PDE4D: variants seen among roughly 807,000 people sequenced by gnomAD.
The protein encoded by PDE4D is 3',5'-cyclic-AMP phosphodiesterase 4D.
Under a neutral mutation model 87.4 loss-of-function variants are expected in PDE4D, and 24 were observed. That is an observed-to-expected ratio of 0.27 (90% CI 0.20 to 0.39). PDE4D has a LOEUF of 0.39. Ranked by LOEUF, PDE4D falls within the 10% of genes least tolerant of loss-of-function variation. PDE4D has a pLI of 1.00. For missense variants in PDE4D, 714 were observed against 1,041.0 expected (o/e 0.69, Z 4.32); for synonymous variants, 384 against 383.2 (o/e 1.00, Z -0.02).
chr5:60,048,116 G>A (rs1200859237), intron 2 of PDE4D, among the ~76,000 whole-genome samples: 1 of 151,936 alleles, frequency 6.6e-6, no homozygotes, highest in Admixed American at 6.6e-5. Context: ...TTACCATTAT[G>A]TAATGGCCTT....
chr5:59,548,494 T>C (rs1201822269), intron 1 of PDE4D, among the ~76,000 whole-genome samples: 3 of 152,134 alleles, frequency 2.0e-5, no homozygotes, highest in South Asian at 2.1e-4. Flanking sequence ...CTCAACAGAA[T>C]AGACAAATGT....
intron 1 of PDE4D, among the ~76,000 whole-genome samples, chr5:59,774,226 A>G (rs1763852931): frequency 6.6e-6 from 1 of 152,210 alleles, no homozygotes; most frequent in Non-Finnish European, 1.5e-5. Flanking sequence ...ATAATTTGCA[A>G]GAGGAGGATT....
At chr5:59,448,735 C>T (rs1169153260) in intron 1 of PDE4D, among the ~76,000 whole-genome samples, 1 of 152,146 alleles carries the variant, frequency 6.6e-6, no homozygotes, top group African/African-American at 2.4e-5. Context: ...AGGACTCACA[C>T]GATCCTCCCA....
At chr5:59,748,943 A>AT (rs1760026555) in intron 1 of PDE4D, among the ~76,000 whole-genome samples, 1 of 152,202 alleles carries the variant, frequency 6.6e-6, no homozygotes, top group Admixed American at 6.5e-5. Context: ...CCAGTCCCAG[A>AT]TACAGCTTCA....
At chr5:58,993,519 T>C in intron 6 of PDE4D, 54 bp from the exon 7 acceptor site, 1 of 1,064,580 alleles carries the variant, frequency 9.4e-7, no homozygotes, top group Middle Eastern at 2.5e-4. Flanking sequence ...TTAAGTGAAA[T>C]ATATATGCAT....
At chr5:59,421,334 C>T (rs1582516783) in intron 1 of PDE4D, among the ~76,000 whole-genome samples, 1 of 152,138 alleles carries the variant, frequency 6.6e-6, no homozygotes, top group African/African-American at 2.4e-5. Context: ...GTGAATATTG[C>T]TATAGCAATG....
chr5:60,138,828 A>G (rs1157030061), intron 2 of PDE4D, among the ~76,000 whole-genome samples: 1 of 152,158 alleles, frequency 6.6e-6, no homozygotes, highest in Non-Finnish European at 1.5e-5. Flanking sequence ...ATTGCCTCCA[A>G]TTATTAGTCA....
intron 1 of PDE4D, among the ~76,000 whole-genome samples, chr5:59,489,179 C>T (rs1472861950): frequency 3.3e-5 from 5 of 151,334 alleles, no homozygotes; most frequent in Middle Eastern, 3.4e-3. Flanking sequence ...GCAGGAGAAT[C>T]GCTTGAACCC....
intron 1 of PDE4D, among the ~76,000 whole-genome samples, chr5:59,431,583 A>C (rs2112910): frequency 0.39 from 59,807 of 152,014 alleles, 14,177 homozygotes; most frequent in African/African-American, 0.67. Context: ...AGACACTGTT[A>C]AAATCCAGAA....
At chr5:59,169,492 G>A (rs1304543970) in intron 5 of PDE4D, among the ~76,000 whole-genome samples, 1 of 152,112 alleles carries the variant, frequency 6.6e-6, no homozygotes. Context: ...TTAAAATCTT[G>A]TATGTATTTT....
At chr5:59,134,131 C>T (rs1776691833) in intron 5 of PDE4D, among the ~76,000 whole-genome samples, 1 of 149,454 alleles carries the variant, frequency 6.7e-6, no homozygotes, top group Admixed American at 6.7e-5. Flanking sequence ...CATGACTCAC[C>T]TCCCTCATAA....
At chr5:59,976,626 G>C (rs1247337658) in intron 3 of PDE4D, among the ~76,000 whole-genome samples, 1 of 152,136 alleles carries the variant, frequency 6.6e-6, no homozygotes, top group Non-Finnish European at 1.5e-5. Flanking sequence ...TTGTAAATTA[G>C]CCAGTCACAC....
Position 60,404,550 on chromosome 5 carries a change from A to C in PDE4D, c.-90+83392T>G, listed in dbSNP as rs189882960. Reference sequence around the variant, plus strand: ...TCTGTGTCTCCTCTGCCAAGTAGCTACTAGCCACATGTGGCTATTGAGCCC... The same window carrying C: ...TCTGTGTCTCCTCTGCCAAGTAGCTCCTAGCCACATGTGGCTATTGAGCCC... On this transcript the variant is annotated intron_variant, in intron 1 of 16. Transcript: ENST00000502484. Among the ~76,000 whole-genome samples, 381 of 152,318 alleles carry C rather than the reference A, an allele frequency of 2.5e-3. 2 individuals carry two copies. The highest frequency in any genetic ancestry group is 8.9e-3 in the African/African-American group (369 of 41,578).
At chr5:60,048,560 G>C (rs1364612883) in intron 2 of PDE4D, among the ~76,000 whole-genome samples, 3 of 151,952 alleles carry the variant, frequency 2.0e-5, no homozygotes, top group Non-Finnish European at 2.9e-5. Context: ...GGGCATGCCT[G>C]GTGGTGACAA....
chr5:59,214,643 ATAAG>A (rs1420888601), intron 2 of PDE4D, among the ~76,000 whole-genome samples: 4 of 152,226 alleles, frequency 2.6e-5, no homozygotes, highest in Non-Finnish European at 4.4e-5. Context: ...GTGTGAATGA[ATAAG>A]TAAGTGTCAT....
At chr5:59,270,918 T>C (rs772120345) in intron 1 of PDE4D, among the ~76,000 whole-genome samples, 86 of 152,312 alleles carry the variant, frequency 5.6e-4, no homozygotes, top group Middle Eastern at 3.4e-3. Flanking sequence ...AAAATTAGGA[T>C]TAACAACTCC....
intron 1 of PDE4D, among the ~76,000 whole-genome samples, chr5:59,584,774 A>G (rs1824813684): frequency 6.6e-6 from 1 of 152,202 alleles, no homozygotes; most frequent in African/African-American, 2.4e-5. Flanking sequence ...AGCAAGGTAC[A>G]CTTGATAGAA....
At chr5:59,650,883 C>G (rs1390148211) in intron 1 of PDE4D, among the ~76,000 whole-genome samples, 1 of 152,186 alleles carries the variant, frequency 6.6e-6, no homozygotes, top group Non-Finnish European at 1.5e-5. Flanking sequence ...AACCAGGCAA[C>G]AGCCCAGCCC....
intron 2 of PDE4D, among the ~76,000 whole-genome samples, chr5:60,036,079 A>T (rs1185665244): frequency 6.6e-6 from 1 of 152,240 alleles, no homozygotes; most frequent in Admixed American, 6.5e-5. Context: ...TATAGTTATC[A>T]TCCTTCATCA....
Sources: gnomAD v4.1 joint callset for allele counts (sites outside exome capture counted in the v4.1 genomes callset) on GRCh38, gnomAD v4.1.1 for gene constraint, MANE v1.5 for transcripts, NCBI Gene and HGNC (gene_info 2026-07-23, HGNC 2026-07-21) for gene names.